The following NPAS3 variants were observed in gnomAD, a reference collection of about 807,000 sequenced individuals.
The protein encoded by NPAS3 is neuronal PAS domain protein 3, also known as neuronal PAS domain-containing protein 3.
A neutral mutation model predicts 73.1 loss-of-function variants in NPAS3; 14 were observed. That is an observed-to-expected ratio of 0.19 (90% CI 0.13 to 0.30). NPAS3 has a LOEUF of 0.30. NPAS3 is among the 10% of genes least tolerant of loss of function. The pLI is 1.00. For missense variants in NPAS3, 1,096 were observed against 1,250.0 expected, an observed-to-expected ratio of 0.88 and a Z score of 1.86; for synonymous variants, 620 against 541.5, an observed-to-expected ratio of 1.14 and a Z score of -2.01.
intron 5 of NPAS3, among the ~76,000 whole-genome samples, chr14:33,628,176 T>A (rs1231556345): frequency 6.6e-6 from 1 of 152,248 alleles, no homozygotes; most frequent in African/African-American, 2.4e-5. Flanking sequence ...TAAGATTTCT[T>A]ATTAAAAGAG....
chr14:32,975,618 G>GTGAT (rs2037633238), intron 1 of NPAS3, among the ~76,000 whole-genome samples: 1 of 152,210 alleles, frequency 6.6e-6, no homozygotes, highest in Non-Finnish European at 1.5e-5. Context: ...TTAGACCAGT[G>GTGAT]TGATTGAGCA....
intron 3 of NPAS3, among the ~76,000 whole-genome samples, chr14:33,342,293 A>G (rs556229420): frequency 9.2e-5 from 14 of 152,320 alleles, no homozygotes; most frequent in Admixed American, 1.3e-4. Context: ...GCCCAGGAAT[A>G]TGGGAGACAA....
intron 2 of NPAS3, among the ~76,000 whole-genome samples, chr14:33,079,896 A>G (rs967132044): frequency 1.3e-5 from 2 of 152,022 alleles, no homozygotes; most frequent in African/African-American, 4.8e-5. Context: ...TACAGGCATG[A>G]GCTATCGCGC....
intron 3 of NPAS3, among the ~76,000 whole-genome samples, chr14:33,285,083 C>T (rs1323147821): frequency 6.6e-6 from 1 of 152,124 alleles, no homozygotes; most frequent in Non-Finnish European, 1.5e-5. Context: ...ACTCATGTTT[C>T]CATTCCTAGC....
chr14:33,719,817 A>G (rs2061056246), intron 6 of NPAS3, among the ~76,000 whole-genome samples: 2 of 152,148 alleles, frequency 1.3e-5, no homozygotes, highest in Admixed American at 6.5e-5. Flanking sequence ...CCTCAATGCT[A>G]AAGGTCTTCT....
At chr14:33,773,113 G>A (rs1175117380) in intron 7 of NPAS3, among the ~76,000 whole-genome samples, 1 of 152,156 alleles carries the variant, frequency 6.6e-6, no homozygotes, top group African/African-American at 2.4e-5. Context: ...AAAAGGAATT[G>A]CCAGTGGAGC....
At chr14:33,519,736 C>A (rs2053474294) in intron 4 of NPAS3, among the ~76,000 whole-genome samples, 1 of 152,132 alleles carries the variant, frequency 6.6e-6, no homozygotes. Flanking sequence ...CTCACAAATA[C>A]AACACACGTT....
At chr14:33,211,507 T>A (rs775368422) in intron 2 of NPAS3, among the ~76,000 whole-genome samples, 1 of 152,060 alleles carries the variant, frequency 6.6e-6, no homozygotes, top group Non-Finnish European at 1.5e-5. Context: ...TGAGCCAAGA[T>A]CGAACCATTG....
chr14:33,342,434 C>T (rs1049493169), intron 3 of NPAS3, among the ~76,000 whole-genome samples: 1 of 152,200 alleles, frequency 6.6e-6, no homozygotes, highest in Non-Finnish European at 1.5e-5. Context: ...AGCAATGTCT[C>T]AGATACCTGC....
chr14:33,226,308 A>G (rs142827876), intron 3 of NPAS3, among the ~76,000 whole-genome samples: 15 of 152,312 alleles, frequency 9.8e-5, no homozygotes, highest in African/African-American at 3.6e-4. Flanking sequence ...TGATCAGTTT[A>G]GGTTAATTAA....
At chr14:33,603,884 T>G (rs1239751722) in intron 5 of NPAS3, among the ~76,000 whole-genome samples, 2 of 152,004 alleles carry the variant, frequency 1.3e-5, no homozygotes, top group Non-Finnish European at 2.9e-5. Flanking sequence ...ATGATGAAAC[T>G]AGCACCAAGT....
In NPAS3 at chr14:33,422,175, T is replaced by C. The variant is rs566348060; in HGVS notation, c.468+54907T>C. Among the ~76,000 whole-genome samples the C allele has an allele frequency of 3.3e-5, 5 of 152,048 alleles. No individual in the cohort carries two copies. In the South Asian group the frequency reaches 6.2e-4, roughly 19 times the overall value. On this transcript the variant is annotated intron_variant, in intron 4 of 11. Coordinates refer to ENST00000356141, the Ensembl canonical transcript of NPAS3. ...TCGGCTCTGTATGACATTTCACACA[T>C]TGTCAGTTCTTAGTAAGTGTTATAT... is the stretch of plus-strand genomic sequence containing the variant.
At chr14:33,012,233 C>CT (rs560940535) in intron 1 of NPAS3, among the ~76,000 whole-genome samples, 2 of 152,156 alleles carry the variant, frequency 1.3e-5, no homozygotes, top group African/African-American at 4.8e-5. Flanking sequence ...CAGGTTTTAA[C>CT]TTTTTTTCTC....
intron 5 of NPAS3, among the ~76,000 whole-genome samples, chr14:33,603,314 G>C (rs999920601): frequency 1.3e-5 from 2 of 152,158 alleles, no homozygotes; most frequent in African/African-American, 4.8e-5. Flanking sequence ...AGGGAAAAGT[G>C]AACTTAAAAA....
At chr14:33,554,336 G>A (rs1277565247) in intron 4 of NPAS3, among the ~76,000 whole-genome samples, 1 of 152,234 alleles carries the variant, frequency 6.6e-6, no homozygotes, top group Non-Finnish European at 1.5e-5. Context: ...TGAAGGGAAA[G>A]TTGAGTATGT....
At chr14:33,051,670 CTG>C (rs1364922395) in intron 1 of NPAS3, among the ~76,000 whole-genome samples, 4 of 152,294 alleles carry the variant, frequency 2.6e-5, no homozygotes, top group South Asian at 2.1e-4. Context: ...GGTGAAGAAA[CTG>C]TGTTTTCAAA....
chr14:33,774,294 A>G (rs1246812725), intron 7 of NPAS3, 43 bp from the exon 8 acceptor site: 1 of 1,486,010 alleles, frequency 6.7e-7, no homozygotes, highest in Non-Finnish European at 9.3e-7. Flanking sequence ...TATATCTGGG[A>G]TGTAAATTTG....
At chr14:33,607,418 AAAG>A (rs2057605742) in intron 5 of NPAS3, among the ~76,000 whole-genome samples, 2 of 152,192 alleles carry the variant, frequency 1.3e-5, no homozygotes, top group African/African-American at 4.8e-5. Flanking sequence ...AAAAAAAAAA[AAAG>A]AGTGATTCCA....
At chr14:33,231,504 G>C (rs1431032209) in intron 3 of NPAS3, among the ~76,000 whole-genome samples, 1 of 152,048 alleles carries the variant, frequency 6.6e-6, no homozygotes, top group East Asian at 1.9e-4. Context: ...TTTTGGTTTA[G>C]AGCCTACACT....
Sources: gnomAD v4.1 joint callset for allele counts (sites outside exome capture counted in the v4.1 genomes callset) on GRCh38, gnomAD v4.1.1 for gene constraint, MANE v1.5 for transcripts, NCBI Gene and HGNC (gene_info 2026-07-23, HGNC 2026-07-21) for gene names.